WDR7: variants seen among roughly 807,000 people sequenced by gnomAD.
The protein encoded by WDR7 is WD repeat domain 7.
Under a neutral mutation model 169.4 loss-of-function variants are expected in WDR7, and 46 were observed. The ratio of observed to expected loss-of-function variants is 0.27; its 90% CI spans 0.21 to 0.35. The LOEUF is 0.35. Ranked by LOEUF, WDR7 falls within the 10% of genes least tolerant of loss-of-function variation. WDR7 has a pLI of 1.00. For synonymous variants in WDR7, 612 were observed against 666.8 expected, an observed-to-expected ratio of 0.92 and a Z score of 1.27; for missense variants, 1,534 against 1,859.3, an observed-to-expected ratio of 0.83 and a Z score of 3.22.
intron 20 of WDR7, among the ~76,000 whole-genome samples, chr18:56,872,215 T>C (rs1334541463): frequency 6.6e-6 from 1 of 152,138 alleles, no homozygotes; most frequent in Non-Finnish European, 1.5e-5. Context: ...TTTTAATCCT[T>C]TTATTGTAAG....
intron 12 of WDR7, among the ~76,000 whole-genome samples, chr18:56,709,935 C>T (rs1390206701): frequency 6.6e-6 from 1 of 150,482 alleles, no homozygotes; most frequent in Non-Finnish European, 1.5e-5. Flanking sequence ...GTAGAGATAA[C>T]TAAGAAGGTA....
At chr18:56,722,067 T>C (rs1270604207) in intron 13 of WDR7, among the ~76,000 whole-genome samples, 2 of 152,082 alleles carry the variant, frequency 1.3e-5, no homozygotes, top group African/African-American at 4.8e-5. Context: ...TTGAGTCATC[T>C]TTTTGAACTT....
intron 12 of WDR7, among the ~76,000 whole-genome samples, chr18:56,717,660 C>T (rs2026222273): frequency 6.6e-6 from 1 of 152,148 alleles, no homozygotes; most frequent in East Asian, 1.9e-4. Flanking sequence ...AATTTTTTCT[C>T]AGCTTTGCCT....
At chr18:56,959,795 T>C (rs908467567) in intron 25 of WDR7, among the ~76,000 whole-genome samples, 2 of 152,182 alleles carry the variant, frequency 1.3e-5, no homozygotes, top group Admixed American at 6.5e-5. Context: ...GAGCAAGTAA[T>C]GCATCTTGCT....
chr18:56,912,220 C>T (rs568950404), intron 21 of WDR7, among the ~76,000 whole-genome samples: 1 of 152,276 alleles, frequency 6.6e-6, no homozygotes, highest in Non-Finnish European at 1.5e-5. Context: ...TGGAGGTGGT[C>T]AGGCCCAGAG....
chr18:56,737,186 G>T (rs1227933638), intron 14 of WDR7, among the ~76,000 whole-genome samples: 4 of 152,120 alleles, frequency 2.6e-5, no homozygotes, highest in Admixed American at 1.3e-4. Flanking sequence ...GTAAAATATA[G>T]ATAACCAGTC....
At chr18:56,724,925 T>G (rs1168459783) in intron 13 of WDR7, among the ~76,000 whole-genome samples, 3 of 152,142 alleles carry the variant, frequency 2.0e-5, no homozygotes, top group African/African-American at 7.2e-5. Flanking sequence ...GTCCTTGCGA[T>G]AGTTTGCTGA....
chr18:56,753,487 T>C (rs1361741930), intron 14 of WDR7, among the ~76,000 whole-genome samples: 1 of 152,148 alleles, frequency 6.6e-6, no homozygotes, highest in African/African-American at 2.4e-5. Context: ...ATTATATAAA[T>C]GTGGCAAAGA....
chr18:57,005,489 A>G lies in WDR7; in HGVS notation c.4165-15256A>G, dbSNP rs186183961. Among the ~76,000 whole-genome samples the G allele has an allele frequency of 1.0e-3, 154 of 152,312 alleles. 1 individual carries two copies. The highest frequency in any genetic ancestry group is 1.6e-3 in the Non-Finnish European group (109 of 68,018). On this transcript the variant is annotated intron_variant, in intron 26 of 27. Coordinates refer to ENST00000254442, the MANE Select transcript of WDR7 (RefSeq NM_015285.3). Reference sequence around the variant, plus strand: ...ATTGTTTATACCAGGAAAATCTGATAAACTTTAAGATTTCAAAGACAAGCT... The same window carrying G: ...ATTGTTTATACCAGGAAAATCTGATGAACTTTAAGATTTCAAAGACAAGCT...
At chr18:56,718,482 A>G (rs11664579) in intron 13 of WDR7, among the ~76,000 whole-genome samples, 29,191 of 152,214 alleles carry the variant, frequency 0.19, 3,425 homozygotes, top group Admixed American at 0.28. Flanking sequence ...TCAGGTTTAC[A>G]TACGGTGAAA....
At chr18:57,036,461 C>G in the WDR7 span, 1 of 152,558 alleles carries the variant, frequency 6.6e-6, no homozygotes, top group Non-Finnish European at 1.5e-5. Context: ...TCTGAAGGGC[C>G]ATTCCAGCTT....
At chr18:56,673,869 C>T (rs771460912) in intron 2 of WDR7, among the ~76,000 whole-genome samples, 1 of 151,842 alleles carries the variant, frequency 6.6e-6, no homozygotes. Flanking sequence ...CCCTAGACCA[C>T]CACTAATCTA....
intron 26 of WDR7, among the ~76,000 whole-genome samples, chr18:56,965,064 G>A (rs375781717): frequency 6.6e-6 from 1 of 152,140 alleles, no homozygotes; most frequent in African/African-American, 2.4e-5. Flanking sequence ...AACTAAGAAT[G>A]CAATTAAGCA....
At chr18:56,745,297 T>C (rs1358180357) in intron 14 of WDR7, among the ~76,000 whole-genome samples, 1 of 152,160 alleles carries the variant, frequency 6.6e-6, no homozygotes, top group Non-Finnish European at 1.5e-5. Flanking sequence ...TGTGACACTG[T>C]CCAGTGTTCA....
intron 20 of WDR7, among the ~76,000 whole-genome samples, chr18:56,855,579 T>C (rs1046635848): frequency 4.6e-5 from 7 of 152,192 alleles, no homozygotes; most frequent in Admixed American, 2.6e-4. Flanking sequence ...AATTTCATTT[T>C]GATTCATATA....
intron 20 of WDR7, among the ~76,000 whole-genome samples, chr18:56,818,624 T>C (rs1193256693): frequency 6.6e-6 from 1 of 152,218 alleles, no homozygotes; most frequent in Admixed American, 6.5e-5. Flanking sequence ...TACCTTTAAA[T>C]TGTGTGACTC....
At chr18:56,873,937 G>C (rs1343607683) in intron 20 of WDR7, 1 of 152,222 alleles carries the variant, frequency 6.6e-6, no homozygotes, top group East Asian at 1.9e-4. Flanking sequence ...GCAGCGGTTA[G>C]CAATTCCCTT....
intron 19 of WDR7, among the ~76,000 whole-genome samples, chr18:56,805,853 A>G (rs1474781841): frequency 6.6e-6 from 1 of 152,038 alleles, no homozygotes; most frequent in Non-Finnish European, 1.5e-5. Flanking sequence ...CCTGTTTCTC[A>G]TTGCCTTTGG....
At chr18:56,885,170 C>G (rs2046169257) in intron 21 of WDR7, among the ~76,000 whole-genome samples, 2 of 152,092 alleles carry the variant, frequency 1.3e-5, no homozygotes, top group African/African-American at 4.8e-5. Context: ...TTGACATAGC[C>G]TATCCAAATG....
Sources: gnomAD v4.1 joint callset for allele counts (sites outside exome capture counted in the v4.1 genomes callset) on GRCh38, gnomAD v4.1.1 for gene constraint, MANE v1.5 for transcripts, NCBI Gene and HGNC (gene_info 2026-07-23, HGNC 2026-07-21) for gene names.